HEATR5A: variants seen among roughly 807,000 people sequenced by gnomAD.
The protein encoded by HEATR5A is HEAT repeat-containing protein 5A.
HEATR5A carries 178 observed loss-of-function variants against 218.8 expected under a neutral mutation model. The ratio of observed to expected loss-of-function variants is 0.81; its 90% CI spans 0.72 to 0.92. The LOEUF is 0.92. Ranked by LOEUF, HEATR5A falls within the 40% of genes least tolerant of loss-of-function variation. The pLI is 0.00. For synonymous variants in HEATR5A, 864 were observed against 871.6 expected, an observed-to-expected ratio of 0.99 and a Z score of 0.15; for missense variants, 2,420 against 2,418.9, an observed-to-expected ratio of 1.00 and a Z score of -0.01.
intron 1 of HEATR5A, among the ~76,000 whole-genome samples, chr14:31,406,515 AG>A (rs1302612903): frequency 6.6e-6 from 1 of 152,238 alleles, no homozygotes; most frequent in Non-Finnish European, 1.5e-5. Flanking sequence ...TTTACAGATG[AG>A]GACATTGAAG....
chr14:31,381,072 C>T (rs1595157670), intron 10 of HEATR5A, among the ~76,000 whole-genome samples: 1 of 151,506 alleles, frequency 6.6e-6, no homozygotes, highest in Admixed American at 6.6e-5. Flanking sequence ...CACAGTGAAA[C>T]CCCATCTCTA....
intron 11 of HEATR5A, among the ~76,000 whole-genome samples, chr14:31,378,484 A>G (rs2029870725): frequency 6.6e-6 from 1 of 152,172 alleles, no homozygotes; most frequent in Non-Finnish European, 1.5e-5. Context: ...AAATCTCTTT[A>G]ATCATCTTAA....
chr14:31,365,021 C>CTATTTTT (rs1463372602), intron 13 of HEATR5A, among the ~76,000 whole-genome samples: 1 of 151,538 alleles, frequency 6.6e-6, no homozygotes, highest in Non-Finnish European at 1.5e-5. Flanking sequence ...ACTACAGGTG[C>CTATTTTT]GCACCACCAT....
At chr14:31,407,604 A>ATTTATATATATATATATATATATATT (rs1265606928) in intron 1 of HEATR5A, among the ~76,000 whole-genome samples, 1 of 1,426 alleles carries the variant, frequency 7.0e-4, no homozygotes, top group African/African-American at 1.1e-3. Flanking sequence ...ATATATATAT[A>ATTTATATATATATATATATATATATT]TATATATATA....
chr14:31,386,396 C>T, intron 9 of HEATR5A, 24 bp downstream of exon 9: 1 of 1,598,712 alleles, frequency 6.3e-7, no homozygotes, highest in Non-Finnish European at 8.5e-7. Flanking sequence ...ACAAGGTATT[C>T]CAATGAGTCA....
At position 31,309,138 on chromosome 14, in the gene HEATR5A, G is replaced by A; in HGVS notation, c.4486C>T (p.His1496Tyr). 6.2e-7 allele frequency: 1 copy of A among 1,613,902 alleles called. No individual in the cohort carries two copies. The change falls in exon 29 of 36, where the codon CAT becomes TAT. Residue 1496 changes from histidine (H) to tyrosine (Y), a missense_variant. Transcript: ENST00000543095. ...ATAAGTGCCCAGGAGTTGTAATAAT[G>A]CAATTTTGCATTTTCACTAGTCTCT... ...TAETSENAKLHYYNSWALILH... is the reference protein window; with the variant it reads ...TAETSENAKLYYYNSWALILH...
At chr14:31,309,623 AAT>A (rs138031302) in intron 28 of HEATR5A, among the ~76,000 whole-genome samples, 3,228 of 152,322 alleles carry the variant, frequency 0.021, 89 homozygotes, top group African/African-American at 0.067. Context: ...TTTAAAACAA[AAT>A]ATGTGTATAT....
In HEATR5A at chr14:31,308,004, A is replaced by C; in HGVS notation, c.4707T>G (p.Phe1569Leu). 2 of 1,610,992 alleles carry C rather than the reference A, an allele frequency of 1.2e-6. No homozygotes were observed. Among genetic ancestry groups the C allele is most frequent in the Non-Finnish European group, 1.7e-6 (2 of 1,179,022 alleles). The change falls in exon 30 of 36, where the codon TTT becomes TTG. Residue 1569 changes from phenylalanine to leucine, a missense_variant. By Grantham distance (22) the Phe-to-Leu change is conservative (BLOSUM62 0). Transcript: ENST00000543095. ...FHLILGISVE[F>L]LCSLRSDATM... ...TTGCATCTGAACGTAAGGAACATAG[A>C]AATTCCACGCTGATTCCTGTGGAAA...
intron 5 of HEATR5A, 143 bp downstream of exon 5, chr14:31,395,056 G>C: frequency 2.0e-6 from 1 of 488,034 alleles, no homozygotes; most frequent in Non-Finnish European, 3.6e-6. Flanking sequence ...ATATAACTCT[G>C]GGCCTTAGTT....
intron 3 of HEATR5A, among the ~76,000 whole-genome samples, chr14:31,399,883 G>A (rs1177153155): frequency 6.6e-6 from 1 of 152,108 alleles, no homozygotes; most frequent in Non-Finnish European, 1.5e-5. Context: ...AAAGATAATA[G>A]GTGATAAAAT....
At chr14:31,394,399 T>C (rs1461750958) in intron 5 of HEATR5A, among the ~76,000 whole-genome samples, 173 bp from the exon 6 acceptor site, 1 of 152,162 alleles carries the variant, frequency 6.6e-6, no homozygotes, top group Non-Finnish European at 1.5e-5. Flanking sequence ...AAAGATTATA[T>C]TATAGAAGAG....
chr14:31,293,354 T>C lies in HEATR5A; in HGVS notation c.6092A>G (p.Lys2031Arg). 2.5e-6 allele frequency: 4 copies of C among 1,610,876 alleles called. No individual in the cohort carries two copies. The highest frequency in any genetic ancestry group is 3.4e-6 in the Non-Finnish European group (4 of 1,179,210). ...KVKIPTSKYTKSPGKNSSIQL... is the reference protein window; with the variant it reads ...KVKIPTSKYTRSPGKNSSIQL... ...GATGCTTGAGTTTTTTCCAGGACTCTTAGTATATTTAGATGTTGGTATCTT... is the reference window on the plus strand; with the variant it reads ...GATGCTTGAGTTTTTTCCAGGACTCCTAGTATATTTAGATGTTGGTATCTT... The change falls in exon 36 of 36, where the codon AAG becomes AGG. Residue 2031 changes from lysine to arginine, a missense_variant. By Grantham distance (26) the Lys-to-Arg change is conservative. Coordinates refer to ENST00000543095, the MANE Select transcript of HEATR5A (RefSeq NM_015473.4).
intron 2 of HEATR5A, 53 bp downstream of exon 2, chr14:31,402,797 G>A: frequency 6.6e-7 from 1 of 1,507,436 alleles, no homozygotes; most frequent in East Asian, 2.5e-5. Context: ...GCAAACCAAA[G>A]GAAGTAAACA....
At chr14:31,415,113 T>C (rs1382454782) in intron 1 of HEATR5A, among the ~76,000 whole-genome samples, 3 of 152,120 alleles carry the variant, frequency 2.0e-5, no homozygotes, top group Non-Finnish European at 2.9e-5. Context: ...GCTGGGATTA[T>C]AGGCGTGAGC....
intron 24 of HEATR5A, among the ~76,000 whole-genome samples, chr14:31,322,136 A>G (rs1369201188): frequency 6.6e-6 from 1 of 152,230 alleles, no homozygotes; most frequent in Non-Finnish European, 1.5e-5. Context: ...TTTTACATAT[A>G]CTGCCAAACA....
rs768332775 is a variant in HEATR5A at position 31,309,730 on chromosome 14, C to CT, written c.4442-549dup. Among the ~76,000 whole-genome samples the CT allele has an allele frequency of 6.3e-3, 947 of 149,602 alleles. 3 individuals carry two copies. Among genetic ancestry groups the CT allele is most frequent in the Non-Finnish European group, 0.01 (673 of 67,086 alleles). ...TTCTTAAATCTCTCTTAATTTTTTT[C>CT]TTTTTTTTTTCAGACAGTCTCACTG... On this transcript the variant is annotated intron_variant, in intron 28 of 35. Coordinates refer to ENST00000543095, the MANE Select transcript of HEATR5A (RefSeq NM_015473.4).
chr14:31,350,471 T>C, intron 17 of HEATR5A, 141 bp downstream of exon 17: 2 of 604,052 alleles, frequency 3.3e-6, no homozygotes, highest in Non-Finnish European at 5.8e-6. Context: ...GAATTCCAAA[T>C]CCTGAAAACT....
chr14:31,419,997 G>C (rs2031590107), intron 1 of HEATR5A, among the ~76,000 whole-genome samples: 1 of 152,208 alleles, frequency 6.6e-6, no homozygotes, highest in African/African-American at 2.4e-5. Flanking sequence ...CCCGAAGGCC[G>C]GGCCGGGGCC....
intron 22 of HEATR5A, among the ~76,000 whole-genome samples, chr14:31,333,725 T>C (rs558576728): frequency 6.6e-5 from 10 of 151,964 alleles, no homozygotes; most frequent in Admixed American, 1.3e-4. Flanking sequence ...AAATATCCCA[T>C]GGTTCTTAAG....
Sources: gnomAD v4.1 joint callset for allele counts (sites outside exome capture counted in the v4.1 genomes callset) on GRCh38, gnomAD v4.1.1 for gene constraint, MANE v1.5 for transcripts, NCBI Gene and HGNC (gene_info 2026-07-23, HGNC 2026-07-21) for gene names.